Variants in PTCHD4 observed in about 807,000 individuals in gnomAD.
PTCHD4 encodes the protein patched domain containing 4, also known as patched domain-containing protein 4.
In PTCHD4, 33 loss-of-function variants were observed where a neutral mutation model predicts 58.1. The ratio of observed to expected loss-of-function variants is 0.57; its 90% CI spans 0.43 to 0.76. The LOEUF is 0.76. Ranked by LOEUF, PTCHD4 falls within the 30% of genes least tolerant of loss-of-function variation. The pLI is 0.00. For synonymous variants in PTCHD4, 478 were observed against 409.6 expected (o/e 1.17, Z -2.02); for missense variants, 1,058 against 1,027.1 (o/e 1.03, Z -0.41).
chr6:47,933,142 C>T (rs1765881002), intron 4 of PTCHD4, among the ~76,000 whole-genome samples: 1 of 152,254 alleles, frequency 6.6e-6, no homozygotes, highest in South Asian at 2.1e-4. Context: ...AGAGGAGGAA[C>T]CATATGCTCT....
intron 4 of PTCHD4, among the ~76,000 whole-genome samples, chr6:47,910,963 G>A (rs1213120381): frequency 6.6e-6 from 1 of 152,116 alleles, no homozygotes; most frequent in Admixed American, 6.6e-5. Context: ...CATCTTCTTA[G>A]TGAAGCTCAT....
rs530069508 is a variant in PTCHD4, at chr6:47,897,994, G to A, written c.899-18058C>T. Among the ~76,000 whole-genome samples the A allele has an allele frequency of 1.0e-4, 14 of 133,356 alleles. No homozygotes were observed. The South Asian group carries it at 3.4e-3, about 33-fold the overall frequency. The allele number at this position is 133,356 out of a possible 152,430, so 87.5% of individuals were successfully genotyped here. The stretch of plus-strand genomic sequence containing the variant: ...CAGAGTCGCTTTGTTGCCCAGGCTG[G>A]AGTGCAGTGGCACTATCTTGGCTCA... On this transcript the variant is annotated intron_variant, in intron 4 of 4. Coordinates refer to ENST00000339488, the MANE Select transcript of PTCHD4 (RefSeq NM_001384253.1).
intron 3 of PTCHD4, among the ~76,000 whole-genome samples, chr6:48,049,244 C>T (rs1764147640): frequency 6.6e-6 from 1 of 151,746 alleles, no homozygotes; most frequent in Admixed American, 6.6e-5. Context: ...TACTAAACAT[C>T]CCACAATGCA....
Position 47,879,795 on chromosome 6 carries a change from G to C in PTCHD4, c.1040C>G (p.Thr347Ser). Residue 347 changes from threonine (T) to serine (S), a missense_variant, in exon 5 of 5, where the codon ACT becomes AGT. Transcript: ENST00000339488. ...GAATGGGCTGGCACCCATGCCAAAA[G>C]TGATGAAGTACAGGGAGCTGGTCAT... is the stretch of plus-strand genomic sequence containing the variant. The part of the protein sequence containing the change: ...YTMTSSLYFI[T>S]FGMGASPFTN... 1.2e-6 allele frequency: 2 copies of C among 1,613,664 alleles called. No individual in the cohort carries two copies. The highest frequency in any genetic ancestry group is 1.7e-6 in the Non-Finnish European group (2 of 1,179,780).
intron 3 of PTCHD4, among the ~76,000 whole-genome samples, chr6:48,062,658 C>T (rs1046842371): frequency 1.3e-5 from 2 of 152,148 alleles, no homozygotes; most frequent in Admixed American, 6.5e-5. Flanking sequence ...AATAAAAGAA[C>T]TTATCCCAAT....
rs768294700 is a variant in PTCHD4, at chr6:47,879,948, A to T, written c.899-12T>A. 585 of 1,469,922 alleles carry T rather than the reference A, an allele frequency of 4.0e-4. 4 individuals carry two copies. Among genetic ancestry groups the T allele is most frequent in the Non-Finnish European group, 5.0e-4 (558 of 1,107,738 alleles). The allele number at this position is 1,469,922 out of a possible 1,614,324, so 91.1% of individuals were successfully genotyped here. Reference sequence around the variant, plus strand: ...TTTAGTTCCATGACCTAATGTTTTAAAAAAAGAAAATAATAATTATTTTTA... The same window carrying T: ...TTTAGTTCCATGACCTAATGTTTTATAAAAAGAAAATAATAATTATTTTTA... On this transcript the variant is annotated splice_polypyrimidine_tract_variant and intron_variant, in intron 4 of 4. Transcript: ENST00000339488.
At chr6:48,107,380 G>A (rs1189011844) in intron 1 of PTCHD4, among the ~76,000 whole-genome samples, 3 of 152,184 alleles carry the variant, frequency 2.0e-5, no homozygotes, top group Admixed American at 1.3e-4. Context: ...AATGCTGCTG[G>A]GAAAACTGGC....
At chr6:47,901,528 C>T (rs1346859308) in intron 4 of PTCHD4, 1 of 991,184 alleles carries the variant, frequency 1.0e-6, no homozygotes, top group East Asian at 1.0e-4. Flanking sequence ...TGATTGGAAT[C>T]AATTTATTTT....
At chr6:47,964,483 T>G (rs961331563) in intron 4 of PTCHD4, among the ~76,000 whole-genome samples, 2 of 152,186 alleles carry the variant, frequency 1.3e-5, no homozygotes, top group Non-Finnish European at 2.9e-5. Context: ...GAACCTCATA[T>G]GGACCTGCCT....
chr6:47,960,092 T>C (rs779326710), intron 4 of PTCHD4, among the ~76,000 whole-genome samples: 35 of 152,128 alleles, frequency 2.3e-4, no homozygotes, highest in Non-Finnish European at 4.7e-4. Context: ...GAAATGGAAG[T>C]ATGCTATGTA....
rs1763492442 is a variant in PTCHD4, at chr6:47,863,965, T to C, written c.*14338A>G. Reference sequence around the variant, plus strand: ...CTGGAATGTCTTTGCACTCTTCAACTATGCAGCCTTTCAGGCCTAGTGGTG... The same window carrying C: ...CTGGAATGTCTTTGCACTCTTCAACCATGCAGCCTTTCAGGCCTAGTGGTG... On this transcript the variant is annotated 3_prime_UTR_variant, in exon 5 of 5. Transcript: ENST00000339488. Among the ~76,000 whole-genome samples, 1 of 152,024 alleles carries C rather than the reference T, an allele frequency of 6.6e-6. No individual in the cohort carries two copies. Among genetic ancestry groups the C allele is most frequent in the Non-Finnish European group, 1.5e-5 (1 of 67,934 alleles).
intron 4 of PTCHD4, among the ~76,000 whole-genome samples, chr6:47,950,975 T>C (rs1159688530): frequency 6.6e-6 from 1 of 152,180 alleles, no homozygotes; most frequent in Non-Finnish European, 1.5e-5. Flanking sequence ...GGTGACCTTG[T>C]CACTAATGTT....
intron 4 of PTCHD4, among the ~76,000 whole-genome samples, chr6:47,896,122 T>C (rs1169111051): frequency 6.6e-6 from 1 of 152,246 alleles, no homozygotes; most frequent in Non-Finnish European, 1.5e-5. Flanking sequence ...ATCTCTTAAC[T>C]ACAGTTAAGG....
At chr6:48,007,691 A>T (rs1346578837) in intron 4 of PTCHD4, among the ~76,000 whole-genome samples, 7 of 152,182 alleles carry the variant, frequency 4.6e-5, no homozygotes, top group Non-Finnish European at 1.0e-4. Flanking sequence ...AAGCCCTAAG[A>T]TGTCTAATAT....
At chr6:47,909,797 C>T (rs1037582857) in intron 4 of PTCHD4, among the ~76,000 whole-genome samples, 20 of 151,700 alleles carry the variant, frequency 1.3e-4, no homozygotes, top group Non-Finnish European at 2.5e-4. Flanking sequence ...TCCATTCTTC[C>T]TTTTTTCCTT....
chr6:47,873,955 C>T lies in PTCHD4; in HGVS notation c.*4348G>A, dbSNP rs570491625. ...TTTTGCAAAGATTGCCAATATCCTT[C>T]GCAGACACCAACAAACCAGACTGAA... is the stretch of plus-strand genomic sequence containing the variant. On this transcript the variant is annotated 3_prime_UTR_variant, in exon 5 of 5. Transcript: ENST00000339488. Among the ~76,000 whole-genome samples the T allele has an allele frequency of 5.3e-5, 8 of 151,794 alleles. No individual in the cohort carries two copies. In the South Asian group the frequency reaches 1.5e-3, roughly 28 times the overall value.
At chr6:47,884,713 T>A (rs1928289) in intron 4 of PTCHD4, among the ~76,000 whole-genome samples, 10 of 152,104 alleles carry the variant, frequency 6.6e-5, no homozygotes, top group Non-Finnish European at 1.0e-4. Context: ...GTTCTGGACT[T>A]GTTTTACATG....
chr6:47,937,307 G>C (rs1333686010), intron 4 of PTCHD4, among the ~76,000 whole-genome samples: 1 of 152,206 alleles, frequency 6.6e-6, no homozygotes, highest in Non-Finnish European at 1.5e-5. Flanking sequence ...GAAAAATGAT[G>C]TTGGCCTGGA....
chr6:47,975,632 A>G (rs114770427), intron 4 of PTCHD4, among the ~76,000 whole-genome samples: 1 of 152,132 alleles, frequency 6.6e-6, no homozygotes, highest in Admixed American at 6.6e-5. Context: ...TCCCCCATGC[A>G]TCCACGTGTC....
Sources: allele counts gnomAD v4.1 joint callset (sites outside exome capture counted in the v4.1 genomes callset), GRCh38; gene constraint gnomAD v4.1.1; transcripts MANE v1.5; gene names NCBI Gene and HGNC (gene_info 2026-07-23, HGNC 2026-07-21).